The following HCK variants were observed in gnomAD, a reference collection of about 807,000 sequenced individuals.
The protein encoded by HCK is HCK proto-oncogene, Src family tyrosine kinase, also known as tyrosine-protein kinase HCK.
A neutral mutation model predicts 70.4 loss-of-function variants in HCK; 40 were observed. That is an observed-to-expected ratio of 0.57 (90% CI 0.44 to 0.74). The LOEUF (loss-of-function observed/expected upper bound fraction) is 0.74, where lower values mean the gene tolerates loss of function less well. Ranked by LOEUF, HCK falls within the 30% of genes least tolerant of loss-of-function variation. HCK has a pLI of 0.00. For missense variants in HCK, 568 were observed against 697.2 expected, an observed-to-expected ratio of 0.81 and a Z score of 2.09; for synonymous variants, 245 against 263.2, an observed-to-expected ratio of 0.93 and a Z score of 0.67.
rs754364530 is a variant in HCK at position 32,093,889 on chromosome 20, G to A, written c.1119G>A (p.Glu373=). 3 of 1,612,572 alleles carry A rather than the reference G, an allele frequency of 1.9e-6. No individual in the cohort carries two copies. Among genetic ancestry groups the A allele is most frequent in the African/African-American group, 1.3e-5 (1 of 74,670 alleles). The change falls in exon 11 of 13, where the codon GAG becomes GAA. Residue 373 remains glutamate (E), a synonymous_variant. Coordinates refer to ENST00000375852, the MANE Select transcript of HCK (RefSeq NM_002110.5). ...TTGCAGAAGGCATGGCCTTCATCGAGCAGAGGAACTACATCCACCGAGACC... is the reference window on the plus strand; with the variant it reads ...TTGCAGAAGGCATGGCCTTCATCGAACAGAGGAACTACATCCACCGAGACC...
At chr20:32,052,908 C>T (rs2045202522) in intron 1 of HCK, among the ~76,000 whole-genome samples, 1 of 151,822 alleles carries the variant, frequency 6.6e-6, no homozygotes, top group African/African-American at 2.4e-5. Context: ...GCCGGGTTGG[C>T]AGCCAGCTTG....
chr20:32,095,859 ATTTAT>A (rs1195843471), intron 11 of HCK, among the ~76,000 whole-genome samples: 1 of 42,462 alleles, frequency 2.4e-5, no homozygotes, highest in Non-Finnish European at 3.8e-5. Context: ...TTAGCCTAAT[ATTTAT>A]TTATTTATTT....
intron 1 of HCK, among the ~76,000 whole-genome samples, chr20:32,061,854 G>C (rs2045382256): frequency 6.6e-6 from 1 of 152,188 alleles, no homozygotes; most frequent in East Asian, 1.9e-4. Context: ...TACCCACCTT[G>C]GAGAGGACTT....
chr20:32,052,565 G>A, intron 1 of HCK, 79 bp downstream of exon 1: 3 of 1,081,896 alleles, frequency 2.8e-6, no homozygotes, highest in Non-Finnish European at 3.6e-6. Context: ...AGGAGCCTGG[G>A]GAGGGCTGGC....
At chr20:32,060,148 C>T (rs1287098404) in intron 1 of HCK, among the ~76,000 whole-genome samples, 1 of 152,120 alleles carries the variant, frequency 6.6e-6, no homozygotes, top group Non-Finnish European at 1.5e-5. Flanking sequence ...GCTCCTCTCC[C>T]AGCAGAAGCG....
intron 11 of HCK, among the ~76,000 whole-genome samples, chr20:32,094,700 AAAAGAAAAG>A (rs1259493654): frequency 7.7e-5 from 7 of 90,628 alleles, no homozygotes; most frequent in Non-Finnish European, 6.5e-5. Context: ...AAAAGAAAAG[AAAAGAAAAG>A]AAAGAAAGAA....
intron 1 of HCK, among the ~76,000 whole-genome samples, chr20:32,067,724 A>T (rs2045480112): frequency 1.3e-5 from 2 of 151,952 alleles, no homozygotes; most frequent in Admixed American, 6.6e-5. Flanking sequence ...TGCTGCAGTG[A>T]TGGGAGCATT....
chr20:32,084,106 T>C, intron 7 of HCK, 63 bp downstream of exon 7: 3 of 1,553,552 alleles, frequency 1.9e-6, no homozygotes, highest in South Asian at 2.2e-5. Context: ...TAGTCACGGA[T>C]GCACTGTGGC....
At chr20:32,057,222 C>T (rs188809839) in intron 1 of HCK, among the ~76,000 whole-genome samples, 2 of 152,346 alleles carry the variant, frequency 1.3e-5, no homozygotes, top group East Asian at 1.9e-4. Flanking sequence ...TTTCCTCATC[C>T]GCAGAACCCT....
chr20:32,074,649 C>A lies in HCK; in HGVS notation c.356C>A (p.Ser119Tyr). Residue 119 changes from serine (S) to tyrosine (Y), a missense_variant, in exon 5 of 13, where the codon TCC becomes TAC. Ser to Tyr is a moderately radical substitution (Grantham distance 144). Around this residue, in one of 4 missense-constraint regions of HCK, gnomAD observed 318 missense variants for 336.0 expected, o/e 0.95. Coordinates refer to ENST00000375852, the MANE Select transcript of HCK (RefSeq NM_002110.5). ...TCCGGGGAGTGGTGGAAGGCTCGATCCCTGGCCACCCGGAAGGAGGGCTAC... is the reference window on the plus strand; with the variant it reads ...TCCGGGGAGTGGTGGAAGGCTCGATACCTGGCCACCCGGAAGGAGGGCTAC... 1 of 1,613,940 alleles carries A rather than the reference C, an allele frequency of 6.2e-7. No homozygotes were observed. The highest frequency in any genetic ancestry group is 1.3e-5 in the African/African-American group (1 of 75,036).
intron 2 of HCK, 38 bp from the exon 3 acceptor site, chr20:32,073,281 G>GT (rs777100029): frequency 2.9e-5 from 45 of 1,578,306 alleles, no homozygotes; most frequent in African/African-American, 4.1e-5. Flanking sequence ...CCCACACATT[G>GT]GTCAGATTCA....
chr20:32,096,994 T>A (rs1001023246), intron 11 of HCK, among the ~76,000 whole-genome samples: 1 of 152,014 alleles, frequency 6.6e-6, no homozygotes, highest in Non-Finnish European at 1.5e-5. Flanking sequence ...TTAAAAAAAA[T>A]TTAGACCGGG....
Position 32,084,025 on chromosome 20 carries a change from C to G in HCK, c.664C>G (p.Leu222Val), listed in dbSNP as rs771645978. The G allele has an allele frequency of 4.3e-6, 7 of 1,613,908 alleles. No homozygotes were observed. Among genetic ancestry groups the G allele is most frequent in the Non-Finnish European group, 5.1e-6 (6 of 1,180,026 alleles). Reference sequence around the variant, plus strand: ...AAGCACCTTCAGCACTCTGCAGGAGCTGGTGGACCACTACAAGAGTGAGTC... The same window carrying G: ...AAGCACCTTCAGCACTCTGCAGGAGGTGGTGGACCACTACAAGAGTGAGTC... The change falls in exon 7 of 13, where the codon CTG (leucine) becomes GTG (valine). Residue 222 changes from leucine to valine, a missense_variant. Physicochemically the swap from Leu to Val is conservative, Grantham distance 32 (BLOSUM62 1). Around this residue, in one of 4 missense-constraint regions of HCK, gnomAD observed 318 missense variants for 336.0 expected, o/e 0.95. Coordinates refer to ENST00000375852, the MANE Select transcript of HCK (RefSeq NM_002110.5).
intron 1 of HCK, among the ~76,000 whole-genome samples, chr20:32,052,815 A>G (rs1172215428): frequency 1.3e-5 from 2 of 151,018 alleles, no homozygotes; most frequent in Admixed American, 1.3e-4. Flanking sequence ...TTTAATTTAA[A>G]AAAGAAAAAG....
At chr20:32,068,254 C>T (rs188232418) in intron 1 of HCK, among the ~76,000 whole-genome samples, 220 of 151,732 alleles carry the variant, frequency 1.4e-3, no homozygotes, top group Non-Finnish European at 2.4e-3. Flanking sequence ...GTGGAGATGG[C>T]ACCACCGTAC....
chr20:32,087,226 G>A (rs887419122), intron 9 of HCK, among the ~76,000 whole-genome samples: 11 of 56,922 alleles, frequency 1.9e-4, no homozygotes, highest in African/African-American at 6.8e-4. Flanking sequence ...CCCCACCCCC[G>A]CCCTGCCACA....
At chr20:32,096,223 G>A (rs771623063) in intron 11 of HCK, among the ~76,000 whole-genome samples, 3 of 151,518 alleles carry the variant, frequency 2.0e-5, no homozygotes, top group Non-Finnish European at 4.4e-5. Context: ...GTGCGGCCGG[G>A]CACAGTGGCT....
Position 32,084,379 on chromosome 20 carries a change from A to G in HCK, c.683-12A>G, listed in dbSNP as rs774814991. The G allele has an allele frequency of 2.5e-6, 4 of 1,607,502 alleles. No individual in the cohort carries two copies. The African/African-American group carries it at 5.4e-5, about 22-fold the overall frequency. On this transcript the variant is annotated splice_polypyrimidine_tract_variant and intron_variant, in intron 7 of 12. Transcript: ENST00000375852. The stretch of plus-strand genomic sequence containing the variant: ...GCTTGTTGCTCTCAATTGACCAGGG[A>G]CTCTGTTCCAGAGGGGAACGACGGG...
At chr20:32,061,999 G>A (rs2045385752) in intron 1 of HCK, among the ~76,000 whole-genome samples, 2 of 149,720 alleles carry the variant, frequency 1.3e-5, no homozygotes, top group South Asian at 4.3e-4. Flanking sequence ...GACTGCAGTG[G>A]TGCGACCTCG....
Sources: gnomAD v4.1 joint callset for allele counts (sites outside exome capture counted in the v4.1 genomes callset) on GRCh38, gnomAD v4.1.1 for gene constraint, gnomAD v4.1.1 regional missense constraint, MANE v1.5 for transcripts, NCBI Gene and HGNC (gene_info 2026-07-23, HGNC 2026-07-21) for gene names.